Variants in LRRC34 observed in about 807,000 individuals in gnomAD.
LRRC34 encodes the protein leucine rich repeat containing 34, also known as leucine-rich repeat-containing protein 34.
LRRC34 carries 44 observed loss-of-function variants against 48.5 expected under a neutral mutation model. The observed-to-expected ratio is 0.91, with a 90% CI of 0.71 to 1.17. The LOEUF is 1.17. Among genes scored for constraint, LRRC34 ranks in the 50% most tolerant of loss-of-function variants. The pLI, the probability that LRRC34 is intolerant of heterozygous loss-of-function variation, is 0.00. For missense variants in LRRC34, 502 were observed against 563.0 expected, an observed-to-expected ratio of 0.89 and a Z score of 1.10; for synonymous variants, 192 against 197.6, an observed-to-expected ratio of 0.97 and a Z score of 0.24.
At chr3:169,798,365 G>A (rs1475545492) in intron 7 of LRRC34, among the ~76,000 whole-genome samples, 4 of 152,116 alleles carry the variant, frequency 2.6e-5, no homozygotes, top group African/African-American at 9.7e-5. Context: ...CAAGCTCCCC[G>A]GATAATGCCA....
chr3:169,810,631 A>G (rs999191645), intron 1 of LRRC34, among the ~76,000 whole-genome samples: 1 of 152,238 alleles, frequency 6.6e-6, no homozygotes, highest in African/African-American at 2.4e-5. Flanking sequence ...AAGGTGTTCC[A>G]AATAGAATAG....
At chr3:169,800,005 G>A (rs1471986985) in intron 7 of LRRC34, among the ~76,000 whole-genome samples, 1 of 152,164 alleles carries the variant, frequency 6.6e-6, no homozygotes, top group Non-Finnish European at 1.5e-5. Flanking sequence ...GAGCCACCGT[G>A]CCCGGCCAAA....
At chr3:169,801,406 G>A (rs2108232468) in intron 6 of LRRC34, among the ~76,000 whole-genome samples, 1 of 152,106 alleles carries the variant, frequency 6.6e-6, no homozygotes, top group Admixed American at 6.5e-5. Context: ...CACCACCCCA[G>A]CCCAAGTCCT....
chr3:169,795,011 T>C (rs1440926599), intron 10 of LRRC34: 2 of 152,220 alleles, frequency 1.3e-5, no homozygotes, highest in Non-Finnish European at 2.9e-5. Flanking sequence ...TTAGTCCTTT[T>C]GCAAATTTTG....
At chr3:169,796,702 CATT>C in intron 8 of LRRC34, 40 bp downstream of exon 8, 9 of 1,550,370 alleles carry the variant, frequency 5.8e-6, no homozygotes, top group Non-Finnish European at 7.9e-6. Context: ...AGATTATTCC[CATT>C]ATTTAACTTT....
chr3:169,798,961 C>T (rs1342071885), intron 7 of LRRC34, among the ~76,000 whole-genome samples: 1 of 152,186 alleles, frequency 6.6e-6, no homozygotes, highest in Non-Finnish European at 1.5e-5. Flanking sequence ...ACCTCTAGCA[C>T]CTCGCTAGCA....
At position 169,793,560 on chromosome 3, in the gene LRRC34, G is replaced by T. The variant is rs1577407365; in HGVS notation, c.*75C>A. The T allele has an allele frequency of 1.9e-6, 2 of 1,051,154 alleles. No homozygotes were observed. The highest frequency in any genetic ancestry group is 1.4e-6 in the Non-Finnish European group (1 of 738,898). 65.1% of individuals were successfully genotyped at this position (1,051,154 alleles called of 1,614,324 possible). A position where few individuals can be genotyped will look rare whatever the true frequency, so the allele number is the denominator to read the frequency against. Reference sequence around the variant, plus strand: ...AAGTAACTTGTTTTAATTTATAAAAGAAAATAGGCTATAGAATATTAATCT... The same window carrying T: ...AAGTAACTTGTTTTAATTTATAAAATAAAATAGGCTATAGAATATTAATCT... On this transcript the variant is annotated 3_prime_UTR_variant, in exon 11 of 11. Coordinates refer to ENST00000446859, the MANE Select transcript of LRRC34 (RefSeq NM_001172779.2).
At chr3:169,810,238 C>G (rs1012032612) in intron 1 of LRRC34, among the ~76,000 whole-genome samples, 1 of 151,734 alleles carries the variant, frequency 6.6e-6, no homozygotes, top group African/African-American at 2.4e-5. Flanking sequence ...TGAGCCCGAC[C>G]GGAAATTTCT....
intron 9 of LRRC34, 24 bp from the exon 10 acceptor site, chr3:169,795,635 AAAG>A: frequency 6.3e-7 from 1 of 1,596,836 alleles, no homozygotes; most frequent in Non-Finnish European, 8.6e-7. Flanking sequence ...TTCCACAAGG[AAAG>A]AATACAAAAA....
At chr3:169,799,567 G>A (rs1291799147) in intron 7 of LRRC34, among the ~76,000 whole-genome samples, 1 of 152,174 alleles carries the variant, frequency 6.6e-6, no homozygotes, top group Non-Finnish European at 1.5e-5. Context: ...TGAGGTGGGA[G>A]GATCACTTGA....
At position 169,804,080 on chromosome 3, in the gene LRRC34, C is replaced by G. The variant is rs748452941; in HGVS notation, c.630G>C (p.Glu210Asp). 1 of 1,594,198 alleles carries G rather than the reference C, an allele frequency of 6.3e-7. No individual in the cohort carries two copies. Among genetic ancestry groups the G allele is most frequent in the East Asian group, 2.3e-5 (1 of 44,186 alleles). ...GATCACAGTCACCCAGATCTAATTT[C>G]TCTAATGATGAATTAATTTGCAGCA... ...AAMLQINSSL[E>D]KLDLGDCDLG... Residue 210 changes from glutamate (E) to aspartate (D), a missense_variant, in exon 6 of 11, where the codon GAG becomes GAC. By Grantham distance (45) the Glu-to-Asp change is conservative (BLOSUM62 2). Transcript: ENST00000446859.
Position 169,793,579 on chromosome 3 carries a change from T to C in LRRC34, c.*56A>G, listed in dbSNP as rs114163361. 0.01 allele frequency: 13,341 copies of C among 1,273,842 alleles called. 305 individuals carry two copies. The highest frequency in any genetic ancestry group is 0.063 in the African/African-American group (4,236 of 66,992). The allele number at this position is 1,273,842 out of a possible 1,614,324, so 78.9% of individuals were successfully genotyped here. Reference sequence around the variant, plus strand: ...ATAAAAGAAAATAGGCTATAGAATATTAATCTCTGTGAAACAATAAGACAA... The same window carrying C: ...ATAAAAGAAAATAGGCTATAGAATACTAATCTCTGTGAAACAATAAGACAA... On this transcript the variant is annotated 3_prime_UTR_variant, in exon 11 of 11. Coordinates refer to ENST00000446859, the MANE Select transcript of LRRC34 (RefSeq NM_001172779.2).
At chr3:169,806,406 GTT>G (rs762080645) in intron 5 of LRRC34, among the ~76,000 whole-genome samples, 3 of 152,312 alleles carry the variant, frequency 2.0e-5, no homozygotes, top group Non-Finnish European at 4.4e-5. Context: ...GTATGATTCT[GTT>G]TATATGAAAT....
At chr3:169,811,912 G>A (rs1779588725) in intron 1 of LRRC34, among the ~76,000 whole-genome samples, 1 of 152,158 alleles carries the variant, frequency 6.6e-6, no homozygotes, top group South Asian at 2.1e-4. Context: ...AACGGAAATG[G>A]CGGGTAGGGG....
intron 4 of LRRC34, 113 bp downstream of exon 4, chr3:169,807,313 G>C: frequency 2.0e-6 from 2 of 1,019,124 alleles, no homozygotes; most frequent in South Asian, 2.8e-5. Flanking sequence ...GAGTGTTCTA[G>C]CACAGAGTCA....
chr3:169,797,093 G>C lies in LRRC34; in HGVS notation c.754-194C>G, dbSNP rs909635140. ...ACAAATGATATTTTTTACCTTCTCA[G>C]AAGGTAAAATATAGTCACTATATTT... On this transcript the variant is annotated intron_variant, in intron 7 of 10. Coordinates refer to ENST00000446859, the MANE Select transcript of LRRC34 (RefSeq NM_001172779.2). The C allele has an allele frequency of 1.1e-5, 4 of 378,258 alleles. No homozygotes were observed. The Admixed American group carries it at 1.9e-4, about 18-fold the overall frequency. The allele number at this position is 378,258 out of a possible 1,614,324, so 23.4% of individuals were successfully genotyped here.
chr3:169,798,071 C>T (rs186719841), intron 7 of LRRC34, among the ~76,000 whole-genome samples: 8 of 152,232 alleles, frequency 5.3e-5, no homozygotes, highest in Non-Finnish European at 8.8e-5. Context: ...TAAAAATGCA[C>T]GCCAACCATG....
At chr3:169,800,130 G>T (rs958786619) in intron 7 of LRRC34, among the ~76,000 whole-genome samples, 3 of 152,128 alleles carry the variant, frequency 2.0e-5, no homozygotes, top group African/African-American at 7.2e-5. Flanking sequence ...TTCTCTAGCT[G>T]TTTACAAGTG....
Position 169,807,651 on chromosome 3 carries a change from T to G in LRRC34, c.316A>C (p.Arg106=), listed in dbSNP as rs763385824. ...ATCCAAAAATCTTCACCTGTAACTC[T>G]TTCTACTGGCACTAAGCGATTGTTA... ...AGNNRLVPVE[R]VTGEDFWILS... is the part of the protein sequence containing the mutation. The change falls in exon 3 of 11, where the codon AGA becomes CGA. Residue 106 remains arginine (R), a synonymous_variant. Coordinates refer to ENST00000446859, the MANE Select transcript of LRRC34 (RefSeq NM_001172779.2). The G allele has an allele frequency of 1.2e-5, 19 of 1,612,272 alleles. No homozygotes were observed.
Sources: allele counts gnomAD v4.1 joint callset (sites outside exome capture counted in the v4.1 genomes callset), GRCh38; gene constraint gnomAD v4.1.1; transcripts MANE v1.5; gene names NCBI Gene and HGNC (gene_info 2026-07-23, HGNC 2026-07-21).